The following FBXO42 variants were observed in gnomAD, a reference collection of about 807,000 sequenced individuals.
FBXO42 encodes the protein F-box protein 42.
In FBXO42, 12 loss-of-function variants were observed where a neutral mutation model predicts 71.7. The ratio of observed to expected loss-of-function variants is 0.17; its 90% confidence interval spans 0.11 to 0.27. The LOEUF is 0.27. FBXO42 is among the 10% of genes least tolerant of loss of function. The pLI, the probability that FBXO42 is intolerant of heterozygous loss-of-function variation, is 1.00. For missense variants in FBXO42, 707 were observed against 911.9 expected (o/e 0.78, Z 2.89); for synonymous variants, 325 against 327.5 (o/e 0.99, Z 0.08).
Position 16,352,470 on chromosome 1 carries a change from A to G in FBXO42, c.-233T>C, listed in dbSNP as rs1327393125. On this transcript the variant is annotated 5_prime_UTR_variant, in exon 1 of 10. Coordinates refer to ENST00000375592, the MANE Select transcript of FBXO42 (RefSeq NM_018994.3). ...AGCTGCTGCTGCTCAGGCCGGGAGAAGACAGCGCAGAGCGCGCATGCGCCG... is the reference window on the plus strand; with the variant it reads ...AGCTGCTGCTGCTCAGGCCGGGAGAGGACAGCGCAGAGCGCGCATGCGCCG... The G allele has an allele frequency of 5.0e-6, 2 of 396,642 alleles. No homozygotes were observed. The highest frequency in any genetic ancestry group is 8.9e-6 in the Non-Finnish European group (2 of 224,910). The allele number at this position is 396,642 out of a possible 1,614,324, so 24.6% of individuals were successfully genotyped here.
At position 16,283,502 on chromosome 1, in the gene FBXO42, T is replaced by TTTTTGTTTTTTG. The variant is rs1457685795; in HGVS notation, c.502+11280_502+11281insCAAAAAACAAAA. Among the ~76,000 whole-genome samples, 227 of 137,308 alleles carry TTTTTGTTTTTTG rather than the reference T, an allele frequency of 1.7e-3. 7 individuals carry two copies. Among genetic ancestry groups the TTTTTGTTTTTTG allele is most frequent in the Middle Eastern group, 3.6e-3 (1 of 274 alleles). The allele number at this position is 137,308 out of a possible 152,430, so 90.1% of individuals were successfully genotyped here. A position where few individuals can be genotyped will look rare whatever the true frequency, so the allele number is the denominator to read the frequency against. ...TCTTCTAACTGTGGCAAGTTTTTTT[T>TTTTTGTTTTTTG]TTTTTTTTTTTTTTTGAGACAGTCT... On this transcript the variant is annotated intron_variant, in intron 4 of 9. Coordinates refer to ENST00000375592, the MANE Select transcript of FBXO42 (RefSeq NM_018994.3).
At chr1:16,350,089 T>C (rs1402072277) in intron 1 of FBXO42, among the ~76,000 whole-genome samples, 2 of 152,124 alleles carry the variant, frequency 1.3e-5, no homozygotes, top group South Asian at 4.1e-4. Flanking sequence ...TAAAGACCCC[T>C]CTAGAAATCA....
chr1:16,253,527 C>T, intron 7 of FBXO42, 108 bp downstream of exon 7: 1 of 848,780 alleles, frequency 1.2e-6, no homozygotes, highest in African/African-American at 1.7e-5. Context: ...GATACATTTT[C>T]TTTGGCTTAG....
At chr1:16,348,062 T>C (rs922795408) in intron 1 of FBXO42, among the ~76,000 whole-genome samples, 13 of 152,052 alleles carry the variant, frequency 8.5e-5, no homozygotes, top group Non-Finnish European at 1.9e-4. Context: ...ATTATAAGCT[T>C]AATGCTGGAC....
chr1:16,352,394 C>CGAGCCGCCCG lies in FBXO42; in HGVS notation c.-167_-158dup. The CGAGCCGCCCG allele has an allele frequency of 2.5e-6, 1 of 399,654 alleles. No individual in the cohort carries two copies. Among genetic ancestry groups the CGAGCCGCCCG allele is most frequent in the Non-Finnish European group, 4.4e-6 (1 of 227,028 alleles). The allele number at this position is 399,654 out of a possible 1,614,324, so 24.8% of individuals were successfully genotyped here. On this transcript the variant is annotated 5_prime_UTR_variant, in exon 1 of 10. An upstream open reading frame in the 5' UTR loses its in-frame stop. Coordinates refer to ENST00000375592, the MANE Select transcript of FBXO42 (RefSeq NM_018994.3). ...GGGCTCCTCACAGCTGGCGGGACCC[C>CGAGCCGCCCG]GAGCCGCCCGGAGCCGCCATCTTCC...
At chr1:16,273,095 T>C (rs1020154201) in intron 4 of FBXO42, among the ~76,000 whole-genome samples, 2 of 152,188 alleles carry the variant, frequency 1.3e-5, no homozygotes, top group Admixed American at 1.3e-4. Context: ...AACTGAGTAC[T>C]GTATTGTATG....
At chr1:16,346,548 C>T (rs1188742480) in intron 1 of FBXO42, among the ~76,000 whole-genome samples, 1 of 151,444 alleles carries the variant, frequency 6.6e-6, no homozygotes, top group South Asian at 2.1e-4. Context: ...ATTAGCTGGG[C>T]GTGGTGGTGG....
At chr1:16,274,198 T>C (rs1334881402) in intron 4 of FBXO42, among the ~76,000 whole-genome samples, 1 of 151,708 alleles carries the variant, frequency 6.6e-6, no homozygotes, top group East Asian at 1.9e-4. Flanking sequence ...CCCAGCTACT[T>C]GGGAGGCTGA....
At chr1:16,272,594 T>C (rs1387942528) in intron 4 of FBXO42, among the ~76,000 whole-genome samples, 1 of 152,124 alleles carries the variant, frequency 6.6e-6, no homozygotes, top group Non-Finnish European at 1.5e-5. Context: ...AAGGCTTGGC[T>C]GAAGGAACAA....
At chr1:16,265,363 T>A (rs2081760048) in intron 4 of FBXO42, among the ~76,000 whole-genome samples, 2 of 152,196 alleles carry the variant, frequency 1.3e-5, no homozygotes, top group Non-Finnish European at 2.9e-5. Context: ...AGTGCTGGGA[T>A]TACAGGCATG....
intron 4 of FBXO42, among the ~76,000 whole-genome samples, chr1:16,263,989 T>A (rs1218478337): frequency 6.6e-6 from 1 of 151,922 alleles, no homozygotes; most frequent in Non-Finnish European, 1.5e-5. Context: ...TTTTGTATTA[T>A]TAGTAGAGAC....
intron 1 of FBXO42, among the ~76,000 whole-genome samples, chr1:16,348,558 C>A (rs1005476779): frequency 6.6e-6 from 1 of 151,840 alleles, no homozygotes; most frequent in African/African-American, 2.4e-5. Flanking sequence ...AAAAATTAGC[C>A]GGGCGTGGGG....
At chr1:16,322,664 C>T (rs2082418391) in intron 1 of FBXO42, among the ~76,000 whole-genome samples, 1 of 152,120 alleles carries the variant, frequency 6.6e-6, no homozygotes, top group African/African-American at 2.4e-5. Context: ...GAATGCCTTA[C>T]CCTTCTGAGG....
intron 1 of FBXO42, among the ~76,000 whole-genome samples, chr1:16,340,471 C>G (rs1267864763): frequency 2.0e-5 from 3 of 152,034 alleles, no homozygotes; most frequent in Non-Finnish European, 4.4e-5. Context: ...AAGGCGCCCA[C>G]CCCGCCCAGC....
chr1:16,279,911 A>G (rs1015548469), intron 4 of FBXO42, among the ~76,000 whole-genome samples: 8 of 144,764 alleles, frequency 5.5e-5, no homozygotes, highest in Non-Finnish European at 1.0e-4. Context: ...CAGTGGTGCA[A>G]TCTTGGCTCA....
chr1:16,345,032 G>C (rs1024668721), intron 1 of FBXO42, among the ~76,000 whole-genome samples: 15 of 151,978 alleles, frequency 9.9e-5, no homozygotes, highest in Non-Finnish European at 1.5e-4. Flanking sequence ...CTGGGAGGCG[G>C]AGGTTATAGT....
intron 1 of FBXO42, among the ~76,000 whole-genome samples, chr1:16,343,560 T>C (rs113340254): frequency 6.6e-6 from 1 of 151,366 alleles, no homozygotes; most frequent in African/African-American, 2.4e-5. Flanking sequence ...AAAATAAAAA[T>C]CAAAAAAATT....
chr1:16,311,812 C>T (rs1233857076), intron 2 of FBXO42, among the ~76,000 whole-genome samples: 1 of 152,160 alleles, frequency 6.6e-6, no homozygotes, highest in East Asian at 1.9e-4. Context: ...CAGTTCCTTA[C>T]AAAACTAACG....
At chr1:16,303,787 C>T (rs973876350) in intron 3 of FBXO42, among the ~76,000 whole-genome samples, 1 of 151,986 alleles carries the variant, frequency 6.6e-6, no homozygotes, top group Non-Finnish European at 1.5e-5. Context: ...ACTCTGTCAC[C>T]GAGGCTAGAG....
Sources: allele counts gnomAD v4.1 joint callset (sites outside exome capture counted in the v4.1 genomes callset), GRCh38; gene constraint gnomAD v4.1.1; transcripts MANE v1.5; gene names NCBI Gene and HGNC (gene_info 2026-07-23, HGNC 2026-07-21).